Variants in CYP7B1 observed in about 807,000 individuals in gnomAD.
CYP7B1 encodes the protein cytochrome P450 family 7 subfamily B member 1.
CYP7B1 carries 29 observed loss-of-function variants against 42.7 expected under a neutral mutation model. The ratio of observed to expected loss-of-function variants is 0.68; its 90% CI spans 0.51 to 0.93. The LOEUF is 0.93. Ranked by LOEUF, CYP7B1 falls within the 40% of genes least tolerant of loss-of-function variation. The pLI, the probability that CYP7B1 is intolerant of heterozygous loss-of-function variation, is 0.00. For synonymous variants in CYP7B1, 235 were observed against 218.2 expected (o/e 1.08, Z -0.68); for missense variants, 655 against 600.5 (o/e 1.09, Z -0.95).
intron 1 of CYP7B1, among the ~76,000 whole-genome samples, chr8:64,630,154 G>T (rs187096466): frequency 1.3e-5 from 2 of 151,952 alleles, no homozygotes; most frequent in Non-Finnish European, 2.9e-5. Context: ...GAAAGGAAGT[G>T]GGGGGAAAGA....
intron 1 of CYP7B1, among the ~76,000 whole-genome samples, chr8:64,714,605 T>G (rs1394287177): frequency 6.6e-6 from 1 of 152,184 alleles, no homozygotes; most frequent in East Asian, 1.9e-4. Flanking sequence ...GTGCTTCCCC[T>G]GCAAACTGTC....
At chr8:64,659,972 C>T (rs1421818247) in intron 1 of CYP7B1, among the ~76,000 whole-genome samples, 1 of 152,078 alleles carries the variant, frequency 6.6e-6, no homozygotes, top group Admixed American at 6.6e-5. Flanking sequence ...GTATAAAACC[C>T]TAGGCAAAGT....
intron 1 of CYP7B1, among the ~76,000 whole-genome samples, chr8:64,695,745 T>A (rs931619192): frequency 1.3e-5 from 2 of 151,986 alleles, no homozygotes; most frequent in African/African-American, 2.4e-5. Context: ...GCCTGTTTCA[T>A]GTTCTCTTGG....
intron 1 of CYP7B1, among the ~76,000 whole-genome samples, chr8:64,662,115 A>G (rs1806207479): frequency 6.6e-6 from 1 of 151,966 alleles, no homozygotes; most frequent in South Asian, 2.1e-4. Context: ...AACCAACGTG[A>G]GAGGCCAGGA....
At chr8:64,637,646 C>A (rs1435843688) in intron 1 of CYP7B1, among the ~76,000 whole-genome samples, 1 of 152,118 alleles carries the variant, frequency 6.6e-6, no homozygotes, top group Non-Finnish European at 1.5e-5. Context: ...TTATAGATAA[C>A]CTCTTACATA....
rs892137210 is a variant in CYP7B1 at position 64,594,310 on chromosome 8, G to T, written c.*2332C>A. Reference sequence around the variant, plus strand: ...ACATAATGTGTGCACATTATGGATTGCTGTGCAGCAGTTAGAAGCAATAGA... The same window carrying T: ...ACATAATGTGTGCACATTATGGATTTCTGTGCAGCAGTTAGAAGCAATAGA... On this transcript the variant is annotated 3_prime_UTR_variant, in exon 6 of 6. Coordinates refer to ENST00000310193, the MANE Select transcript of CYP7B1 (RefSeq NM_004820.5). 6.6e-6 allele frequency among the ~76,000 whole-genome samples: 1 copy of T among 152,132 alleles called. No homozygotes were observed. The highest frequency in any genetic ancestry group is 6.5e-5 in the Admixed American group (1 of 15,268).
intron 1 of CYP7B1, among the ~76,000 whole-genome samples, chr8:64,783,490 T>C (rs1457897593): frequency 6.6e-6 from 1 of 151,928 alleles, no homozygotes; most frequent in African/African-American, 2.4e-5. Context: ...GGGAGTATAA[T>C]GATATGTATG....
chr8:64,615,593 G>T, intron 3 of CYP7B1, 98 bp downstream of exon 3: 1 of 1,124,738 alleles, frequency 8.9e-7, no homozygotes, highest in Non-Finnish European at 1.3e-6. Flanking sequence ...ATTAGAAAGA[G>T]CATAAAAAAT....
At chr8:64,601,481 G>A (rs958029462) in intron 5 of CYP7B1, among the ~76,000 whole-genome samples, 7 of 152,126 alleles carry the variant, frequency 4.6e-5, no homozygotes, top group Non-Finnish European at 8.8e-5. Context: ...TCTCTATGGA[G>A]CTTCTCTATA....
At chr8:64,787,890 T>C (rs1481728255) in intron 1 of CYP7B1, among the ~76,000 whole-genome samples, 1 of 152,184 alleles carries the variant, frequency 6.6e-6, no homozygotes, top group East Asian at 1.9e-4. Flanking sequence ...AGCAAATATG[T>C]CCTTCTTTAT....
intron 1 of CYP7B1, among the ~76,000 whole-genome samples, chr8:64,729,567 T>C (rs1807377894): frequency 6.6e-6 from 1 of 152,202 alleles, no homozygotes; most frequent in Non-Finnish European, 1.5e-5. Flanking sequence ...AATAAAAAAT[T>C]AATATAACTA....
chr8:64,666,380 C>CA (rs1208390979), intron 1 of CYP7B1, among the ~76,000 whole-genome samples: 1 of 151,674 alleles, frequency 6.6e-6, no homozygotes. Flanking sequence ...AATGAAATAA[C>CA]AAAAAAATTT....
chr8:64,736,996 T>C (rs1444724524), intron 1 of CYP7B1, among the ~76,000 whole-genome samples: 1 of 152,226 alleles, frequency 6.6e-6, no homozygotes, highest in East Asian at 1.9e-4. Flanking sequence ...TCAATAAGTA[T>C]GTTTTAACAA....
chr8:64,771,080 T>TTTTTTTG (rs61295651), intron 1 of CYP7B1, among the ~76,000 whole-genome samples: 3 of 132,320 alleles, frequency 2.3e-5, no homozygotes, highest in Admixed American at 7.7e-5. Context: ...TTTTTTTTTT[T>TTTTTTTG]AGACAGGGTC....
intron 1 of CYP7B1, among the ~76,000 whole-genome samples, chr8:64,785,619 A>C (rs74393207): frequency 0.023 from 3,471 of 152,238 alleles, 124 homozygotes; most frequent in African/African-American, 0.08. Context: ...GCAGCACACA[A>C]CATGACTCCA....
intron 1 of CYP7B1, among the ~76,000 whole-genome samples, chr8:64,697,477 C>T (rs1445542994): frequency 6.6e-6 from 1 of 152,136 alleles, no homozygotes; most frequent in African/African-American, 2.4e-5. Context: ...ATAACCAACA[C>T]CTAGGATAGT....
intron 1 of CYP7B1, among the ~76,000 whole-genome samples, chr8:64,690,038 T>C (rs1806715159): frequency 6.6e-6 from 1 of 152,218 alleles, no homozygotes; most frequent in Non-Finnish European, 1.5e-5. Flanking sequence ...AGATAGTCTT[T>C]AAAATAAATC....
chr8:64,763,382 G>A (rs1807919645), intron 1 of CYP7B1, among the ~76,000 whole-genome samples: 1 of 152,138 alleles, frequency 6.6e-6, no homozygotes, highest in African/African-American at 2.4e-5. Context: ...CCAGGTCAGA[G>A]AACAAAAGGG....
At chr8:64,676,541 C>T (rs1451922150) in intron 1 of CYP7B1, among the ~76,000 whole-genome samples, 1 of 152,034 alleles carries the variant, frequency 6.6e-6, no homozygotes, top group Non-Finnish European at 1.5e-5. Context: ...TTATACAGGA[C>T]AGTGACATTG....
Sources: allele counts gnomAD v4.1 joint callset (sites outside exome capture counted in the v4.1 genomes callset), GRCh38; gene constraint gnomAD v4.1.1; transcripts MANE v1.5; gene names NCBI Gene and HGNC (gene_info 2026-07-23, HGNC 2026-07-21).